FHIT: variants seen among roughly 807,000 people sequenced by gnomAD.
FHIT encodes the protein fragile histidine triad diadenosine triphosphatase.
Under a neutral mutation model 17.9 loss-of-function variants are expected in FHIT, and 19 were observed. The observed-to-expected ratio is 1.06, with a 90% CI of 0.74 to 1.56. FHIT has a LOEUF of 1.56. Among genes scored for constraint, FHIT ranks in the 40% most tolerant of loss-of-function variants. The pLI is 0.00. For missense variants in FHIT, 248 were observed against 189.2 expected, an observed-to-expected ratio of 1.31 and a Z score of -1.82; for synonymous variants, 81 against 69.7, an observed-to-expected ratio of 1.16 and a Z score of -0.81.
intron 5 of FHIT, among the ~76,000 whole-genome samples, chr3:60,149,964 G>C (rs978620878): frequency 6.7e-6 from 1 of 149,526 alleles, no homozygotes; most frequent in Non-Finnish European, 1.5e-5. Flanking sequence ...GGTTAGGCTG[G>C]ATAAAAGGCA....
chr3:60,547,396 G>T (rs2036402665), intron 4 of FHIT, among the ~76,000 whole-genome samples: 1 of 152,080 alleles, frequency 6.6e-6, no homozygotes, highest in Admixed American at 6.5e-5. Flanking sequence ...GTTTACTCTA[G>T]AAATGGTAAT....
chr3:60,949,527 C>G (rs1708788358), intron 3 of FHIT, among the ~76,000 whole-genome samples: 1 of 152,214 alleles, frequency 6.6e-6, no homozygotes, highest in Non-Finnish European at 1.5e-5. Flanking sequence ...AGACATTAAT[C>G]TATTTTAACT....
intron 4 of FHIT, among the ~76,000 whole-genome samples, chr3:60,757,278 G>A (rs1699462596): frequency 6.6e-6 from 1 of 151,980 alleles, no homozygotes; most frequent in Admixed American, 6.6e-5. Flanking sequence ...AAACCACCTG[G>A]GCCAGACATT....
At chr3:60,170,643 C>A (rs1701378077) in intron 5 of FHIT, among the ~76,000 whole-genome samples, 3 of 151,984 alleles carry the variant, frequency 2.0e-5, no homozygotes, top group Non-Finnish European at 2.9e-5. Context: ...ATATTCATAT[C>A]TTTTAAAAAT....
rs189611678 is a variant in FHIT, at chr3:61,234,489, T to C, written c.-213+16812A>G. ...AGTGAAAACAGAAAACAAAACTGTA[T>C]GTAAAGTATTATCCAAATTTAGAAA... On this transcript the variant is annotated intron_variant, in intron 1 of 9. Coordinates refer to ENST00000492590, the MANE Select transcript of FHIT (RefSeq NM_002012.4). Among the ~76,000 whole-genome samples, 270 of 152,268 alleles carry C rather than the reference T, an allele frequency of 1.8e-3. 2 individuals are homozygous for C. Among genetic ancestry groups the C allele is most frequent in the African/African-American group, 5.6e-3 (234 of 41,542 alleles).
chr3:60,617,888 T>G (rs7632868), intron 4 of FHIT: 101,833 of 195,010 alleles, frequency 0.52, 27,521 homozygotes, highest in East Asian at 0.77. Context: ...TCTCATAGAA[T>G]AATAAATTAG....
At chr3:61,200,144 G>A (rs890008604) in intron 2 of FHIT, among the ~76,000 whole-genome samples, 2 of 152,174 alleles carry the variant, frequency 1.3e-5, no homozygotes, top group Non-Finnish European at 2.9e-5. Context: ...ACCAAATTCA[G>A]TGGCTCTTTT....
intron 5 of FHIT, among the ~76,000 whole-genome samples, chr3:60,330,638 A>C (rs1481338401): frequency 6.6e-6 from 1 of 152,234 alleles, no homozygotes; most frequent in Non-Finnish European, 1.5e-5. Flanking sequence ...CTAGAAATTT[A>C]TCCTAAGGAA....
At chr3:60,128,632 C>A (rs1185744777) in intron 5 of FHIT, among the ~76,000 whole-genome samples, 1 of 152,226 alleles carries the variant, frequency 6.6e-6, no homozygotes, top group African/African-American at 2.4e-5. Context: ...AGAACTGGGC[C>A]ACATGCCCAG....
At chr3:60,815,805 C>T (rs1553737476) in intron 4 of FHIT, among the ~76,000 whole-genome samples, 1 of 151,814 alleles carries the variant, frequency 6.6e-6, no homozygotes, top group African/African-American at 2.4e-5. Context: ...TGTATAAAAC[C>T]TGTAGATTAT....
At chr3:60,724,435 A>G (rs572895640) in intron 4 of FHIT, among the ~76,000 whole-genome samples, 6 of 152,212 alleles carry the variant, frequency 3.9e-5, no homozygotes, top group Non-Finnish European at 8.8e-5. Context: ...TAGTGCTACT[A>G]TGAACATTTG....
At chr3:60,299,514 A>G (rs1350211922) in intron 5 of FHIT, among the ~76,000 whole-genome samples, 1 of 152,136 alleles carries the variant, frequency 6.6e-6, no homozygotes, top group Non-Finnish European at 1.5e-5. Flanking sequence ...ATTTTCTTTC[A>G]GTATGGAAAA....
At chr3:60,820,050 G>A (rs1701874019) in intron 4 of FHIT, among the ~76,000 whole-genome samples, 4 of 152,150 alleles carry the variant, frequency 2.6e-5, no homozygotes, top group Admixed American at 2.6e-4. Flanking sequence ...GCTCACACCT[G>A]TAATCCCTGC....
intron 5 of FHIT, among the ~76,000 whole-genome samples, chr3:60,358,389 A>G (rs1392449405): frequency 6.6e-6 from 1 of 152,200 alleles, no homozygotes; most frequent in African/African-American, 2.4e-5. Context: ...AGGATGGACT[A>G]CAGTCAGAAT....
intron 1 of FHIT, among the ~76,000 whole-genome samples, chr3:61,215,464 A>G (rs1254493691): frequency 1.3e-5 from 2 of 152,204 alleles, no homozygotes; most frequent in Admixed American, 6.5e-5. Flanking sequence ...TTCAAGGAGA[A>G]CTACAAACCA....
intron 4 of FHIT, among the ~76,000 whole-genome samples, chr3:60,674,506 A>G (rs1485367669): frequency 6.6e-6 from 1 of 152,194 alleles, no homozygotes; most frequent in Non-Finnish European, 1.5e-5. Context: ...AATCTGCATT[A>G]TATTGTCTTC....
At chr3:60,843,143 T>A (rs1575589736) in intron 3 of FHIT, among the ~76,000 whole-genome samples, 1 of 152,106 alleles carries the variant, frequency 6.6e-6, no homozygotes, top group African/African-American at 2.4e-5. Flanking sequence ...GTTTAAAAAC[T>A]CCCCAGGCAA....
intron 5 of FHIT, among the ~76,000 whole-genome samples, chr3:60,159,167 C>T (rs572258600): frequency 1.1e-4 from 17 of 152,174 alleles, no homozygotes; most frequent in Admixed American, 2.0e-4. Flanking sequence ...GTTGCCCAGG[C>T]GGGAGTGCAG....
chr3:59,842,486 C>G (rs892945491), intron 8 of FHIT, among the ~76,000 whole-genome samples: 5 of 152,138 alleles, frequency 3.3e-5, no homozygotes, highest in Non-Finnish European at 5.9e-5. Context: ...TTGTGAGAAA[C>G]TGCCACACTG....
Sources: allele counts gnomAD v4.1 joint callset (sites outside exome capture counted in the v4.1 genomes callset), GRCh38; gene constraint gnomAD v4.1.1; transcripts MANE v1.5; gene names NCBI Gene and HGNC (gene_info 2026-07-23, HGNC 2026-07-21).